The following PPFIBP2 variants were observed in gnomAD, a reference collection of about 807,000 sequenced individuals.
The protein encoded by PPFIBP2 is PPFIB scaffold protein 2.
PPFIBP2 carries 118 observed loss-of-function variants against 118.3 expected under a neutral mutation model. The observed-to-expected ratio is 1.00, with a 90% confidence interval of 0.86 to 1.16. The LOEUF is 1.16. Ranked by LOEUF, PPFIBP2 falls within the 50% of genes most tolerant of loss-of-function variation. PPFIBP2 has a pLI of 0.00. For missense variants in PPFIBP2, 1,195 were observed against 1,073.1 expected, an observed-to-expected ratio of 1.11 and a Z score of -1.59; for synonymous variants, 414 against 397.4, an observed-to-expected ratio of 1.04 and a Z score of -0.50.
intron 2 of PPFIBP2, among the ~76,000 whole-genome samples, chr11:7,552,402 T>C (rs768273532): frequency 6.6e-6 from 1 of 152,230 alleles, no homozygotes; most frequent in Non-Finnish European, 1.5e-5. Flanking sequence ...TTCTATTTAT[T>C]AAAGCTCTTA....
At chr11:7,525,530 C>T (rs540601638) in intron 1 of PPFIBP2, among the ~76,000 whole-genome samples, 2 of 152,214 alleles carry the variant, frequency 1.3e-5, no homozygotes, top group South Asian at 2.1e-4. Context: ...ACCATGGTGG[C>T]GGTGAGCAGA....
chr11:7,665,800 G>A, the PPFIBP2 span: 52 of 1,502,900 alleles, frequency 3.5e-5, 1 homozygote, highest in South Asian at 3.6e-4. Context: ...CAGCATTGAC[G>A]AGGAAGGAGA....
chr11:7,549,353 A>T, intron 1 of PPFIBP2, 87 bp from the exon 2 acceptor site: 7 of 1,164,882 alleles, frequency 6.0e-6, no homozygotes, highest in Non-Finnish European at 8.8e-6. Flanking sequence ...ACGTTGTGTG[A>T]TGATGGAATG....
intron 1 of PPFIBP2, among the ~76,000 whole-genome samples, chr11:7,529,094 A>G (rs1017464150): frequency 5.9e-5 from 9 of 152,088 alleles, no homozygotes; most frequent in African/African-American, 2.2e-4. Flanking sequence ...AAATATTCAG[A>G]GGAAGAAGTT....
chr11:7,642,715 C>T (rs960567507), intron 17 of PPFIBP2, among the ~76,000 whole-genome samples: 1 of 152,208 alleles, frequency 6.6e-6, no homozygotes, highest in African/African-American at 2.4e-5. Flanking sequence ...TCAGTTTAGT[C>T]ACCTCAAGAT....
intron 3 of PPFIBP2, among the ~76,000 whole-genome samples, chr11:7,592,388 T>C (rs1016334427): frequency 6.6e-6 from 1 of 152,174 alleles, no homozygotes; most frequent in Non-Finnish European, 1.5e-5. Flanking sequence ...TTTCCTCTCT[T>C]TTCTATAGTT....
At chr11:7,602,055 T>G (rs1246545950) in intron 5 of PPFIBP2, among the ~76,000 whole-genome samples, 1 of 140,344 alleles carries the variant, frequency 7.1e-6, no homozygotes, top group Non-Finnish European at 1.5e-5. Flanking sequence ...ATCACGCCAT[T>G]GCACTCCAGC....
At chr11:7,641,421 G>A in intron 15 of PPFIBP2, 58 bp from the exon 16 acceptor site, 1 of 1,585,362 alleles carries the variant, frequency 6.3e-7, no homozygotes, top group Non-Finnish European at 8.6e-7. Context: ...GCTTGGGGAA[G>A]AAGGGTTCCA....
intron 1 of PPFIBP2, among the ~76,000 whole-genome samples, chr11:7,521,316 C>T (rs1213467528): frequency 6.6e-6 from 1 of 152,300 alleles, no homozygotes; most frequent in South Asian, 2.1e-4. Context: ...GACTGTCTCT[C>T]TGATAGGATA....
At chr11:7,611,343 C>T (rs987443739) in intron 6 of PPFIBP2, among the ~76,000 whole-genome samples, 1 of 152,208 alleles carries the variant, frequency 6.6e-6, no homozygotes, top group African/African-American at 2.4e-5. Flanking sequence ...TCTTCATCTC[C>T]TTCCTTCATT....
At chr11:7,622,919 C>G (rs984850018) in intron 7 of PPFIBP2, among the ~76,000 whole-genome samples, 8 of 152,170 alleles carry the variant, frequency 5.3e-5, no homozygotes, top group Non-Finnish European at 2.9e-5. Context: ...GGCATGTAGA[C>G]CTTTGAGATG....
In PPFIBP2 at chr11:7,650,883, G is replaced by C. The variant is rs751532860; in HGVS notation, c.2165G>C (p.Arg722Thr). The C allele has an allele frequency of 6.2e-6, 10 of 1,613,932 alleles. No individual in the cohort carries two copies. The highest frequency in any genetic ancestry group is 8.5e-6 in the Non-Finnish European group (10 of 1,179,902). Reference sequence around the variant, plus strand: ...GAAGTTGTACAGTGGTCCAACCACAGGGTGATGGAGTGGTTACGATCTGTG... The same window carrying C: ...GAAGTTGTACAGTGGTCCAACCACACGGTGATGGAGTGGTTACGATCTGTG... ...PSEVVQWSNH[R>T]VMEWLRSVDL... is the part of the protein sequence containing the mutation. The change falls in exon 22 of 24, where the codon AGG becomes ACG. Residue 722 changes from arginine (R) to threonine (T), a missense_variant. Transcript: ENST00000299492.
the PPFIBP2 span, chr11:7,666,081 G>A: frequency 2.6e-5 from 17 of 653,694 alleles, no homozygotes; most frequent in Non-Finnish European, 4.7e-5. Context: ...GGGCGGTAAG[G>A]GGTGTGGTGG....
At position 7,621,498 on chromosome 11, in the gene PPFIBP2, T is replaced by G. The variant is rs570169918; in HGVS notation, c.711+471T>G. On this transcript the variant is annotated intron_variant, in intron 7 of 23. Transcript: ENST00000299492. ...ACTTCGAATTATTTCTTCAATCAAA[T>G]CATGTTTCTCTTAAACTAGGGAGCC... Among the ~76,000 whole-genome samples the G allele has an allele frequency of 1.2e-3, 184 of 152,244 alleles. 1 individual carries two copies. Among genetic ancestry groups the G allele is most frequent in the Non-Finnish European group, 1.9e-3 (128 of 68,014 alleles).
downstream of PPFIBP2, among the ~76,000 whole-genome samples, chr11:7,657,519 G>A (rs750325341): frequency 1.5e-4 from 23 of 152,258 alleles, no homozygotes; most frequent in Non-Finnish European, 2.6e-4. Flanking sequence ...CAGCTCAGGC[G>A]TAATGTCTGA....
intron 1 of PPFIBP2, among the ~76,000 whole-genome samples, chr11:7,524,884 A>T (rs1362000740): frequency 6.6e-6 from 1 of 152,172 alleles, no homozygotes; most frequent in African/African-American, 2.4e-5. Flanking sequence ...CCTTGACTGG[A>T]TGTCATGAAA....
intron 18 of PPFIBP2, 95 bp from the exon 19 acceptor site, chr11:7,648,705 G>A (rs1853513734): frequency 1.4e-6 from 2 of 1,436,682 alleles, no homozygotes; most frequent in Admixed American, 1.7e-5. Flanking sequence ...GAGATACACT[G>A]CCATACTCAG....
At chr11:7,664,071 C>G in the PPFIBP2 span, among the ~76,000 whole-genome samples, 537 of 152,310 alleles carry the variant, frequency 3.5e-3, 3 homozygotes, top group African/African-American at 0.012. Context: ...GAGATGAACC[C>G]GGTACCTCAG....
intron 1 of PPFIBP2, among the ~76,000 whole-genome samples, chr11:7,539,954 A>C (rs934129328): frequency 1.3e-5 from 2 of 152,214 alleles, no homozygotes; most frequent in Non-Finnish European, 2.9e-5. Flanking sequence ...ACAGTCCCAC[A>C]ATGTGTCTCT....
Sources: allele counts gnomAD v4.1 joint callset (sites outside exome capture counted in the v4.1 genomes callset), GRCh38; gene constraint gnomAD v4.1.1; transcripts MANE v1.5; gene names NCBI Gene and HGNC (gene_info 2026-07-23, HGNC 2026-07-21).